Variants in CDH13 observed in about 807,000 individuals in gnomAD.
CDH13 encodes cadherin-13.
CDH13 carries 24 observed loss-of-function variants against 63.8 expected under a neutral mutation model. The ratio of observed to expected loss-of-function variants is 0.38; its 90% CI spans 0.27 to 0.53. The LOEUF (loss-of-function observed/expected upper bound fraction) is 0.53, where lower values mean the gene tolerates loss of function less well. Ranked by LOEUF, CDH13 falls within the 20% of genes least tolerant of loss-of-function variation. CDH13 has a pLI of 0.85. For synonymous variants in CDH13, 503 were observed against 355.3 expected (o/e 1.42, Z -4.67); for missense variants, 1,049 against 903.1 (o/e 1.16, Z -2.07).
intron 6 of CDH13, among the ~76,000 whole-genome samples, chr16:83,428,059 C>G (rs1454833198): frequency 1.3e-5 from 2 of 152,190 alleles, no homozygotes; most frequent in African/African-American, 2.4e-5. Context: ...TTCCCCTTTG[C>G]AGATGACACA....
intron 3 of CDH13, among the ~76,000 whole-genome samples, chr16:83,052,111 C>G (rs1242996117): frequency 1.3e-5 from 2 of 152,112 alleles, no homozygotes; most frequent in Non-Finnish European, 2.9e-5. Context: ...CTGCTTACTT[C>G]ATGAATGATC....
intron 5 of CDH13, among the ~76,000 whole-genome samples, chr16:83,289,032 A>G (rs1393198987): frequency 6.6e-6 from 1 of 152,210 alleles, no homozygotes; most frequent in Non-Finnish European, 1.5e-5. Flanking sequence ...TTTTTGAAAT[A>G]GAAAATGTGA....
At chr16:83,125,201 T>G in intron 3 of CDH13, among the ~76,000 whole-genome samples, 184 bp from the exon 4 acceptor site, 1 of 152,194 alleles carries the variant, frequency 6.6e-6, no homozygotes, top group East Asian at 1.9e-4. Context: ...TTATAGTGAA[T>G]AACAATGTCA....
intron 3 of CDH13, among the ~76,000 whole-genome samples, chr16:83,120,139 C>G (rs902136973): frequency 2.6e-5 from 4 of 152,106 alleles, no homozygotes; most frequent in Non-Finnish European, 5.9e-5. Context: ...CGAACCCTGT[C>G]CCTTCCAGGT....
intron 5 of CDH13, among the ~76,000 whole-genome samples, chr16:83,261,059 A>G (rs150539210): frequency 2.8e-3 from 430 of 152,198 alleles, no homozygotes; most frequent in Admixed American, 7.3e-3. Context: ...TTTCAGGGAA[A>G]GGATTTAAGA....
intron 2 of CDH13, among the ~76,000 whole-genome samples, chr16:82,893,765 A>G (rs2041159827): frequency 6.6e-6 from 1 of 152,148 alleles, no homozygotes; most frequent in Non-Finnish European, 1.5e-5. Context: ...CTAGGTCAGT[A>G]GAACCTCCTC....
chr16:82,721,905 G>A (rs2032797677), intron 1 of CDH13, among the ~76,000 whole-genome samples: 1 of 152,106 alleles, frequency 6.6e-6, no homozygotes, highest in Non-Finnish European at 1.5e-5. Flanking sequence ...TGCTGTGGCA[G>A]TGGGAATGGA....
chr16:83,072,514 G>C (rs1217705723), intron 3 of CDH13, among the ~76,000 whole-genome samples: 3 of 152,178 alleles, frequency 2.0e-5, no homozygotes, highest in African/African-American at 7.2e-5. Context: ...CAGCTGGGAA[G>C]AATTTTCTGT....
At chr16:82,862,857 A>T (rs895350363) in intron 2 of CDH13, among the ~76,000 whole-genome samples, 4 of 152,184 alleles carry the variant, frequency 2.6e-5, no homozygotes, top group Non-Finnish European at 5.9e-5. Flanking sequence ...TCCATGCAAG[A>T]ACCTGATGGC....
At chr16:83,468,694 C>T (rs1443246505) in intron 6 of CDH13, among the ~76,000 whole-genome samples, 1 of 152,184 alleles carries the variant, frequency 6.6e-6, no homozygotes, top group Non-Finnish European at 1.5e-5. Context: ...CTTTTCACCG[C>T]CTCTCCTTCC....
At position 83,415,155 on chromosome 16, in the gene CDH13, GA is replaced by G. The variant is rs201083170; in HGVS notation, c.781+70158del. 1.6e-4 allele frequency among the ~76,000 whole-genome samples: 24 copies of G among 148,804 alleles called. No individual in the cohort carries two copies. In the East Asian group the frequency reaches 3.7e-3, roughly 23 times the overall value. ...TGAACAGTTCCCTGCCAAAAAAAAT[GA>G]AAAAAAAACCTAGGTAACCTAGAGA... On this transcript the variant is annotated intron_variant, in intron 6 of 13. Transcript: ENST00000567109.
intron 1 of CDH13, among the ~76,000 whole-genome samples, chr16:82,664,910 CAT>C (rs770763677): frequency 2.0e-5 from 3 of 151,914 alleles, no homozygotes; most frequent in Non-Finnish European, 2.9e-5. Context: ...TGTATATATG[CAT>C]ATATATGTGT....
intron 7 of CDH13, among the ~76,000 whole-genome samples, chr16:83,575,544 G>T (rs1905030025): frequency 6.6e-6 from 1 of 152,170 alleles, no homozygotes; most frequent in Non-Finnish European, 1.5e-5. Flanking sequence ...CGGCCCTCCA[G>T]CCCGGGGGTT....
intron 7 of CDH13, among the ~76,000 whole-genome samples, chr16:83,510,051 G>T (rs955341007): frequency 6.6e-6 from 1 of 152,176 alleles, no homozygotes; most frequent in Non-Finnish European, 1.5e-5. Flanking sequence ...TGTTTTACAA[G>T]TGGAATGTGA....
intron 1 of CDH13, among the ~76,000 whole-genome samples, chr16:82,846,978 A>C (rs1389436690): frequency 1.3e-5 from 2 of 152,214 alleles, no homozygotes; most frequent in Non-Finnish European, 2.9e-5. Context: ...ACTCATTGCC[A>C]CATCCTGACT....
Position 83,342,609 on chromosome 16 carries a change from A to G in CDH13, c.637-2253A>G, listed in dbSNP as rs80066831. 4.0e-3 allele frequency among the ~76,000 whole-genome samples: 610 copies of G among 152,300 alleles called. 5 individuals are homozygous for G. The highest frequency in any genetic ancestry group is 0.014 in the African/African-American group (578 of 41,558). On this transcript the variant is annotated intron_variant, in intron 5 of 13. Transcript: ENST00000567109. ...TCTGAGATTCAGCTCCACATTCTGT[A>G]TTCATCCTAATCAATGGTGTCTCCT...
intron 3 of CDH13, among the ~76,000 whole-genome samples, chr16:83,036,143 CTTT>C (rs34375178): frequency 5.5e-5 from 5 of 90,816 alleles, no homozygotes; most frequent in Non-Finnish European, 4.1e-5. Flanking sequence ...GAGCTCTCCT[CTTT>C]TTTTTTTTTT....
At chr16:82,633,220 T>C (rs1049090955) in intron 1 of CDH13, among the ~76,000 whole-genome samples, 4 of 152,220 alleles carry the variant, frequency 2.6e-5, no homozygotes, top group African/African-American at 9.6e-5. Context: ...CAGTGACAGC[T>C]GAGCATCATC....
intron 2 of CDH13, among the ~76,000 whole-genome samples, chr16:82,886,171 C>T (rs2040880153): frequency 6.6e-6 from 1 of 152,102 alleles, no homozygotes; most frequent in African/African-American, 2.4e-5. Context: ...TATAATCAAA[C>T]TGTTATAGCT....
Sources: gnomAD v4.1 joint callset for allele counts (sites outside exome capture counted in the v4.1 genomes callset) on GRCh38, gnomAD v4.1.1 for gene constraint, MANE v1.5 for transcripts, NCBI Gene and HGNC (gene_info 2026-07-23, HGNC 2026-07-21) for gene names.